Variants in ZNF750 observed in about 807,000 individuals in gnomAD.
ZNF750 encodes zinc finger protein 750.
ZNF750 carries 10 observed loss-of-function variants against 31.6 expected under a neutral mutation model. The observed-to-expected ratio is 0.32, with a 90% confidence interval of 0.19 to 0.54. ZNF750 has a LOEUF of 0.54. Ranked by LOEUF, ZNF750 falls within the 20% of genes least tolerant of loss-of-function variation. The pLI is 0.95. For synonymous variants in ZNF750, 400 were observed against 404.9 expected (o/e 0.99, Z 0.15); for missense variants, 914 against 934.9 (o/e 0.98, Z 0.29).
Position 82,831,449 on chromosome 17 carries a change from G to T in ZNF750, c.1006C>A (p.Pro336Thr). The change falls in exon 2 of 3, where the codon CCA becomes ACA. Residue 336 changes from proline to threonine, a missense_variant. Physicochemically the swap from Pro to Thr is conservative, Grantham distance 38. Transcript: ENST00000269394. This position sits in a 1 kb window ranked among gnomAD's most constrained non-coding sequence, Gnocchi z 4.6. Reference protein sequence around the residue: ...SAFSSYGLRLPPVTGLTRDQS... With the variant: ...SAFSSYGLRLTPVTGLTRDQS... ...TCTCGGGTGAGGCCAGTGACAGGTG[G>T]GAGTCTGAGACCATAGGAGGAAAAT... The T allele has an allele frequency of 6.2e-7, 1 of 1,614,166 alleles. No homozygotes were observed. Among genetic ancestry groups the T allele is most frequent in the Non-Finnish European group, 8.5e-7 (1 of 1,180,016 alleles).
At chr17:82,838,509 C>T (rs997733161) in intron 1 of ZNF750, 28 of 388,678 alleles carry the variant, frequency 7.2e-5, no homozygotes, top group Non-Finnish European at 9.5e-5. Flanking sequence ...GCCTGCTCGG[C>T]TGGAGCATTG....
intron 1 of ZNF750, among the ~76,000 whole-genome samples, chr17:82,836,769 A>G (rs575817101): frequency 6.6e-6 from 1 of 152,372 alleles, no homozygotes; most frequent in East Asian, 1.9e-4. Flanking sequence ...AGATTTTCTC[A>G]AAAGCTTTAC....
Position 82,831,315 on chromosome 17 carries a change from T to C in ZNF750, c.1140A>G (p.Pro380=), listed in dbSNP as rs2053489416. ...PNRKHVEFES[P]IPEAKDSSKA... ...TGGAGGAGTCTTTAGCCTCAGGAAT[T>C]GGACTTTCGAACTCGACGTGTTTTC... The change falls in exon 2 of 3, where the codon CCA becomes CCG. Residue 380 remains proline (P), a synonymous_variant. Coordinates refer to ENST00000269394, the MANE Select transcript of ZNF750 (RefSeq NM_024702.3). The surrounding 1 kb of genome is among the most constrained non-coding windows in gnomAD (Gnocchi z 4.6). 3 of 1,614,026 alleles carry C rather than the reference T, an allele frequency of 1.9e-6. No individual in the cohort carries two copies. Among genetic ancestry groups the C allele is most frequent in the Non-Finnish European group, 2.5e-6 (3 of 1,180,032 alleles).
At position 82,832,566 on chromosome 17, in the gene ZNF750, T is replaced by G. The variant is rs3744165; in HGVS notation, c.-112A>C. 776,746 of 943,716 alleles carry G rather than the reference T, an allele frequency of 0.82. 321,698 individuals are homozygous for G. Among genetic ancestry groups the G allele is most frequent in the Admixed American group, 0.91 (45,954 of 50,652 alleles). The allele number at this position is 943,716 out of a possible 1,614,324, so 58.5% of individuals were successfully genotyped here. On this transcript the variant is annotated 5_prime_UTR_variant, in exon 2 of 3. Transcript: ENST00000269394. The surrounding 1 kb of genome is among the most constrained non-coding windows in gnomAD (Gnocchi z 4.9). ...CCTCCCGCTTTGCTTTCTTTCCCGA[T>G]CACTTCTATCAGAAGCCAGCTCTGC...
At chr17:82,838,585 T>C in intron 1 of ZNF750, 2 of 921,370 alleles carry the variant, frequency 2.2e-6, no homozygotes, top group African/African-American at 1.8e-5. Context: ...GACACACCAT[T>C]GTCGCCTACC....
At position 82,830,550 on chromosome 17, in the gene ZNF750, T is replaced by G. The variant is rs774363261; in HGVS notation, c.1764A>C (p.Glu588Asp). ...AAAVPQKTGTEGSEDGPSHPE... is the reference protein window; with the variant it reads ...AAAVPQKTGTDGSEDGPSHPE... ...GGTGGCTGGGCCCATCCTCAGAACC[T>G]TCTGTCCCAGTCTTCTGTGGAACAG... The change falls in exon 3 of 3, where the codon GAA becomes GAC. Residue 588 changes from glutamate (E) to aspartate (D), a missense_variant. Physicochemically the swap from Glu to Asp is conservative, Grantham distance 45. Around this residue, in one of 2 missense-constraint regions of ZNF750, gnomAD observed 880 missense variants for 868.9 expected, o/e 1.01. Coordinates refer to ENST00000269394, the MANE Select transcript of ZNF750 (RefSeq NM_024702.3). The G allele has an allele frequency of 2.5e-6, 4 of 1,614,114 alleles. No individual in the cohort carries two copies. Among genetic ancestry groups the G allele is most frequent in the Non-Finnish European group, 3.4e-6 (4 of 1,180,026 alleles).
In ZNF750 at chr17:82,830,608, G is replaced by C; in HGVS notation, c.1706C>G (p.Pro569Arg). 1.2e-6 allele frequency: 2 copies of C among 1,614,058 alleles called. No individual in the cohort carries two copies. The highest frequency in any genetic ancestry group is 1.7e-6 in the Non-Finnish European group (2 of 1,179,956). Residue 569 changes from proline to arginine, a missense_variant, in exon 3 of 3, where the codon CCC becomes CGC. Physicochemically the swap from Pro to Arg is moderately radical, Grantham distance 103. Coordinates refer to ENST00000269394, the MANE Select transcript of ZNF750 (RefSeq NM_024702.3). Reference sequence around the variant, plus strand: ...AGGTTCTGCAGCTCGTGGTCGACCGGGGAAGGCAGGCCTCGGAGCCTGGGT... The same window carrying C: ...AGGTTCTGCAGCTCGTGGTCGACCGCGGAAGGCAGGCCTCGGAGCCTGGGT... ...CNTQAPRPAF[P>R]GRPRAAEPAA...
In ZNF750 at chr17:82,830,365, C is replaced by T. The variant is rs199655845; in HGVS notation, c.1949G>A (p.Arg650Gln). 73 of 1,613,254 alleles carry T rather than the reference C, an allele frequency of 4.5e-5. No homozygotes were observed. The highest frequency in any genetic ancestry group is 5.7e-5 in the Non-Finnish European group (67 of 1,180,036). ...QLAAYSPRNIRVGDGDAAAPE... is the reference protein window; with the variant it reads ...QLAAYSPRNIQVGDGDAAAPE... ...GGCCGCAGCATCCCCATCGCCCACC[C>T]GGATGTTCCTGGGGCTGTAGGCCGC... The change falls in exon 3 of 3, where the codon CGG (arginine) becomes CAG (glutamine). Residue 650 changes from arginine (R) to glutamine (Q), a missense_variant. By Grantham distance (43) the Arg-to-Gln change is conservative. Transcript: ENST00000269394.
intron 1 of ZNF750, among the ~76,000 whole-genome samples, chr17:82,834,921 G>C (rs1455703273): frequency 6.6e-6 from 1 of 152,100 alleles, no homozygotes; most frequent in Admixed American, 6.5e-5. Flanking sequence ...TGGAGGGCTG[G>C]GGGCCGTGGC....
rs114391003 is a variant in ZNF750 at position 82,835,920 on chromosome 17, A to G, written c.-182-3284T>C. On this transcript the variant is annotated intron_variant, in intron 1 of 2. Transcript: ENST00000269394. This position sits in a 1 kb window ranked among gnomAD's most constrained non-coding sequence, Gnocchi z 4.5. ...GCGAGGCACGGTTTGGATGAGGACA[A>G]GATGTTTGTTACCCTACAACCAGGG... Among the ~76,000 whole-genome samples, 4,383 of 152,262 alleles carry G rather than the reference A, an allele frequency of 0.029. 233 individuals are homozygous for G. Among genetic ancestry groups the G allele is most frequent in the African/African-American group, 0.099 (4,109 of 41,540 alleles).
rs916058616 is a variant in ZNF750, at chr17:82,832,049, A to G, written c.406T>C (p.Ser136Pro). 14 of 1,613,676 alleles carry G rather than the reference A, an allele frequency of 8.7e-6. No individual in the cohort carries two copies. The highest frequency in any genetic ancestry group is 5.0e-5 in the Admixed American group (3 of 59,994). Residue 136 changes from serine to proline, a missense_variant, in exon 2 of 3, where the codon TCA (serine) becomes CCA (proline). Physicochemically the swap from Ser to Pro is moderately conservative, Grantham distance 74. Transcript: ENST00000269394. The surrounding 1 kb of genome is among the most constrained non-coding windows in gnomAD (Gnocchi z 4.9). ...LGQKPALHRA[S>P]PCKSPAPEAA... ...TCCGGAGCTGGGCTCTTGCAGGGTGATGCCCTGTGGAGGGCTGGCTTCTGT... is the reference window on the plus strand; with the variant it reads ...TCCGGAGCTGGGCTCTTGCAGGGTGGTGCCCTGTGGAGGGCTGGCTTCTGT...
intron 1 of ZNF750, chr17:82,838,853 C>A: frequency 1.0e-6 from 1 of 985,430 alleles, no homozygotes; most frequent in South Asian, 4.7e-5. Flanking sequence ...AAACGCTCAC[C>A]ACTTTACAGT....
Position 82,831,921 on chromosome 17 carries a change from C to T in ZNF750, c.534G>A (p.Ala178=), listed in dbSNP as rs200912015. The change falls in exon 2 of 3, where the codon GCG becomes GCA. Residue 178 remains alanine, a synonymous_variant. Transcript: ENST00000269394. This position sits in a 1 kb window ranked among gnomAD's most constrained non-coding sequence, Gnocchi z 4.6. ...GGTTGTGTAAAGCCAGTGTCTCGGG[C>T]GCCTCGGCGTTGTCTGGCCCCTTGA... The part of the protein sequence containing the change: ...HRLKGPDNAE[A]PETLALHNPT... 72 of 1,614,010 alleles carry T rather than the reference C, an allele frequency of 4.5e-5. No homozygotes were observed. Among genetic ancestry groups the T allele is most frequent in the Admixed American group, 5.0e-5 (3 of 60,000 alleles).
In ZNF750 at chr17:82,830,053, G is replaced by C; in HGVS notation, c.*89C>G. On this transcript the variant is annotated 3_prime_UTR_variant, in exon 3 of 3. Coordinates refer to ENST00000269394, the MANE Select transcript of ZNF750 (RefSeq NM_024702.3). ...GCAGCAGCTGCATTTGTAAAAATGTGAAAGTGCCAGTTCAGAGGTGTTGTA... is the reference window on the plus strand; with the variant it reads ...GCAGCAGCTGCATTTGTAAAAATGTCAAAGTGCCAGTTCAGAGGTGTTGTA... The C allele has an allele frequency of 1.3e-6, 2 of 1,571,670 alleles. No individual in the cohort carries two copies. The highest frequency in any genetic ancestry group is 1.7e-6 in the Non-Finnish European group (2 of 1,152,406).
Position 82,832,124 on chromosome 17 carries a change from T to G in ZNF750, c.331A>C (p.Ile111Leu). The change falls in exon 2 of 3, where the codon ATC becomes CTC. Residue 111 changes from isoleucine to leucine, a missense_variant. By Grantham distance (5) the Ile-to-Leu change is conservative. Transcript: ENST00000269394. This position sits in a 1 kb window ranked among gnomAD's most constrained non-coding sequence, Gnocchi z 4.9. ...KLQHSSARED[I>L]KENLELQARG... ...GCTTGCAGCTCCAGGTTTTCCTTGA[T>G]GTCTTCCCTGGCAGAGCTGTGCTGA... 6.2e-7 allele frequency: 1 copy of G among 1,614,206 alleles called. No individual in the cohort carries two copies. Among genetic ancestry groups the G allele is most frequent in the Non-Finnish European group, 8.5e-7 (1 of 1,180,028 alleles).
intron 1 of ZNF750, among the ~76,000 whole-genome samples, chr17:82,838,452 T>C (rs1328366085): frequency 6.6e-6 from 1 of 152,152 alleles, no homozygotes; most frequent in Non-Finnish European, 1.5e-5. Context: ...TGCCCTGAGA[T>C]TGTGCTGTAA....
chr17:82,839,079 C>G (rs551890495), intron 1 of ZNF750: 1 of 735,988 alleles, frequency 1.4e-6, no homozygotes, highest in South Asian at 6.1e-5. Context: ...AACTTAACCC[C>G]TTTGGTTTGG....
chr17:82,832,011 A>G lies in ZNF750; in HGVS notation c.444T>C (p.Gly148=), dbSNP rs1056704898. 8.1e-6 allele frequency: 13 copies of G among 1,612,656 alleles called. No individual in the cohort carries two copies. Among genetic ancestry groups the G allele is most frequent in the Non-Finnish European group, 1.1e-5 (13 of 1,178,840 alleles). Residue 148 remains glycine (G), a synonymous_variant, in exon 2 of 3, where the codon GGT becomes GGC. Transcript: ENST00000269394. The surrounding 1 kb of genome is among the most constrained non-coding windows in gnomAD (Gnocchi z 4.9). ...CKSPAPEAAL[G]AQPALEGAAR... The stretch of plus-strand genomic sequence containing the variant: ...CTGCGCCTTCCAGAGCAGGCTGGGC[A>G]CCGAGGGCGGCTTCCGGAGCTGGGC...
chr17:82,830,632 G>T lies in ZNF750; in HGVS notation c.1682C>A (p.Thr561Asn). 6.2e-7 allele frequency: 1 copy of T among 1,614,042 alleles called. No individual in the cohort carries two copies. Among genetic ancestry groups the T allele is most frequent in the Non-Finnish European group, 8.5e-7 (1 of 1,179,944 alleles). The change falls in exon 3 of 3, where the codon ACC (threonine) becomes AAC (asparagine). Residue 561 changes from threonine (T) to asparagine (N), a missense_variant. Physicochemically the swap from Thr to Asn is moderately conservative, Grantham distance 65. Transcript: ENST00000269394. ...GGGGAAGGCAGGCCTCGGAGCCTGG[G>T]TGTTACAGGGGTCCTTCACCGAGAG... ...LNLSVKDPCN[T>N]QAPRPAFPGR...
Sources: allele counts gnomAD v4.1 joint callset (sites outside exome capture counted in the v4.1 genomes callset), GRCh38; gene constraint gnomAD v4.1.1; regional missense constraint gnomAD v4.1.1; non-coding constraint Gnocchi (gnomAD v3.1); transcripts MANE v1.5; gene names NCBI Gene and HGNC (gene_info 2026-07-23, HGNC 2026-07-21).